The following IGF2BP3 variants were observed in gnomAD, a reference collection of about 807,000 sequenced individuals.
IGF2BP3 encodes insulin like growth factor 2 mRNA binding protein 3, also known as insulin-like growth factor 2 mRNA-binding protein 3.
In IGF2BP3, 9 loss-of-function variants were observed where a neutral mutation model predicts 73.8. The observed-to-expected ratio is 0.12, with a 90% CI of 0.07 to 0.21. The LOEUF is 0.21. Among genes scored for constraint, IGF2BP3 ranks in the 10% least tolerant of loss-of-function variants. The probability of loss-of-function intolerance (pLI) is 1.00; values close to 1 mark genes in which losing one functional copy is unlikely to be tolerated. For missense variants in IGF2BP3, 542 were observed against 714.0 expected (o/e 0.76, Z 2.75); for synonymous variants, 258 against 256.7 (o/e 1.01, Z -0.05).
At chr7:23,322,129 C>G (rs1042265455) in intron 10 of IGF2BP3, among the ~76,000 whole-genome samples, 1 of 151,964 alleles carries the variant, frequency 6.6e-6, no homozygotes, top group Non-Finnish European at 1.5e-5. Flanking sequence ...CTGTGAGCTA[C>G]GGGAGGAAAT....
intron 3 of IGF2BP3, among the ~76,000 whole-genome samples, chr7:23,381,289 A>G (rs1315134003): frequency 6.6e-6 from 1 of 152,238 alleles, no homozygotes; most frequent in Non-Finnish European, 1.5e-5. Context: ...TCAAAGAGGA[A>G]AGGCCACATG....
At chr7:23,433,477 T>C (rs968770971) in intron 2 of IGF2BP3, among the ~76,000 whole-genome samples, 1 of 151,658 alleles carries the variant, frequency 6.6e-6, no homozygotes, top group African/African-American at 2.4e-5. Flanking sequence ...AGGTTGTATA[T>C]AATAACTAAT....
chr7:23,401,503 G>A lies in IGF2BP3; in HGVS notation c.285+17273C>T, dbSNP rs188816170. Among the ~76,000 whole-genome samples, 237 of 149,942 alleles carry A rather than the reference G, an allele frequency of 1.6e-3. 1 individual carries two copies. Among genetic ancestry groups the A allele is most frequent in the Non-Finnish European group, 2.5e-3 (166 of 67,360 alleles). On this transcript the variant is annotated intron_variant, in intron 3 of 14. Coordinates refer to ENST00000258729, the MANE Select transcript of IGF2BP3 (RefSeq NM_006547.3). The stretch of plus-strand genomic sequence containing the variant: ...TGCTATGCCAGGCACGGTGGCTCAC[G>A]CCTGTAATTTCAGTACTTCAGGAGG...
intron 3 of IGF2BP3, among the ~76,000 whole-genome samples, chr7:23,412,025 C>T (rs1019477199): frequency 6.8e-6 from 1 of 147,102 alleles, no homozygotes; most frequent in African/African-American, 2.6e-5. Flanking sequence ...TCTCGCCTGC[C>T]GCCCAGGAGT....
chr7:23,432,884 G>A (rs899277314), intron 2 of IGF2BP3, among the ~76,000 whole-genome samples: 20 of 152,198 alleles, frequency 1.3e-4, no homozygotes, highest in Middle Eastern at 3.4e-3. Flanking sequence ...CACTTGCCTC[G>A]GCCTACCAAA....
chr7:23,408,147 T>C (rs1194405913), intron 3 of IGF2BP3, among the ~76,000 whole-genome samples: 1 of 152,128 alleles, frequency 6.6e-6, no homozygotes, highest in East Asian at 1.9e-4. Context: ...CAGCTAACAT[T>C]TTATGTGATG....
At chr7:23,388,128 G>A (rs12669355) in intron 3 of IGF2BP3, among the ~76,000 whole-genome samples, 8,986 of 152,004 alleles carry the variant, frequency 0.059, 554 homozygotes, top group East Asian at 0.36. Flanking sequence ...TAGTAGAGGC[G>A]GGGTTTCACC....
chr7:23,353,589 T>C (rs144932792), intron 5 of IGF2BP3, among the ~76,000 whole-genome samples: 49 of 152,380 alleles, frequency 3.2e-4, no homozygotes, highest in Non-Finnish European at 5.1e-4. Context: ...CCTTTCTATA[T>C]GTTTACAAAC....
intron 2 of IGF2BP3, among the ~76,000 whole-genome samples, chr7:23,441,804 A>C (rs964046284): frequency 1.3e-5 from 2 of 152,122 alleles, no homozygotes; most frequent in Non-Finnish European, 1.5e-5. Context: ...AAATCTGTTT[A>C]TAAATTGAAT....
chr7:23,327,107 T>G, intron 10 of IGF2BP3, among the ~76,000 whole-genome samples: 1 of 151,922 alleles, frequency 6.6e-6, no homozygotes, highest in South Asian at 2.1e-4. Flanking sequence ...AAGAAGATAT[T>G]TTGTCTTACA....
intron 3 of IGF2BP3, chr7:23,415,687 G>C (rs964639510): frequency 1.2e-5 from 2 of 165,168 alleles, no homozygotes; most frequent in Admixed American, 6.5e-5. Context: ...TAGCCAAGGA[G>C]CTCCCATGGC....
At chr7:23,450,286 G>C (rs1332480489) in intron 2 of IGF2BP3, among the ~76,000 whole-genome samples, 1 of 152,196 alleles carries the variant, frequency 6.6e-6, no homozygotes, top group African/African-American at 2.4e-5. Flanking sequence ...AGTTGTTTGA[G>C]TTGCAAGACG....
chr7:23,372,121 T>C (rs945399069), intron 3 of IGF2BP3, among the ~76,000 whole-genome samples: 8 of 152,076 alleles, frequency 5.3e-5, no homozygotes, highest in Non-Finnish European at 1.0e-4. Flanking sequence ...TCACCCAGGC[T>C]GGAGTGCAGT....
At chr7:23,335,082 A>G (rs1784539823) in intron 10 of IGF2BP3, among the ~76,000 whole-genome samples, 2 of 150,976 alleles carry the variant, frequency 1.3e-5, no homozygotes, top group Non-Finnish European at 2.9e-5. Context: ...TTAAAAAAAA[A>G]AAAAAAAAAA....
At chr7:23,418,925 T>C (rs1397692251) in intron 2 of IGF2BP3, 101 bp from the exon 3 acceptor site, 11 of 737,428 alleles carry the variant, frequency 1.5e-5, no homozygotes, top group Middle Eastern at 6.4e-4. Flanking sequence ...ATTAACTCTA[T>C]ATTAATTACA....
At chr7:23,445,431 T>C (rs993559097) in intron 2 of IGF2BP3, among the ~76,000 whole-genome samples, 1 of 152,120 alleles carries the variant, frequency 6.6e-6, no homozygotes, top group Non-Finnish European at 1.5e-5. Flanking sequence ...TTCCTGTGGG[T>C]GTTTTGTATA....
intron 3 of IGF2BP3, chr7:23,396,416 C>G (rs1384615026): frequency 6.6e-6 from 1 of 152,588 alleles, no homozygotes; most frequent in Non-Finnish European, 1.5e-5. Context: ...TATGTACTTA[C>G]ACACACACAC....
At chr7:23,361,642 C>T in intron 4 of IGF2BP3, 45 bp from the exon 5 acceptor site, 2 of 1,612,790 alleles carry the variant, frequency 1.2e-6, no homozygotes, top group Non-Finnish European at 8.5e-7. Context: ...AGTTTTCTTT[C>T]TACTTCCTTC....
chr7:23,336,078 T>A (rs1414496407), intron 10 of IGF2BP3, among the ~76,000 whole-genome samples: 1 of 152,068 alleles, frequency 6.6e-6, no homozygotes, highest in Non-Finnish European at 1.5e-5. Context: ...GCAAGGGATT[T>A]ATCCAAAGAA....
Sources: allele counts gnomAD v4.1 joint callset (sites outside exome capture counted in the v4.1 genomes callset), GRCh38; gene constraint gnomAD v4.1.1; transcripts MANE v1.5; gene names NCBI Gene and HGNC (gene_info 2026-07-23, HGNC 2026-07-21).